Variants in RSRC1 observed in about 807,000 individuals in gnomAD.
The protein encoded by RSRC1 is arginine and serine rich coiled-coil 1.
In RSRC1, 39 loss-of-function variants were observed where a neutral mutation model predicts 49.1. That is an observed-to-expected ratio of 0.79 (90% CI 0.61 to 1.04). The LOEUF (loss-of-function observed/expected upper bound fraction) is 1.04, where lower values mean the gene tolerates loss of function less well. Among genes scored for constraint, RSRC1 ranks in the 50% least tolerant of loss-of-function variants. The probability of loss-of-function intolerance (pLI) is 0.00; values close to 1 mark genes in which losing one functional copy is unlikely to be tolerated. For missense variants in RSRC1, 388 were observed against 402.4 expected, an observed-to-expected ratio of 0.96 and a Z score of 0.31; for synonymous variants, 143 against 130.8, an observed-to-expected ratio of 1.09 and a Z score of -0.63.
chr3:158,488,481 AT>A (rs894765017), intron 7 of RSRC1, among the ~76,000 whole-genome samples: 2 of 152,116 alleles, frequency 1.3e-5, no homozygotes, highest in Non-Finnish European at 2.9e-5. Context: ...CAGACAAGAA[AT>A]TCTTTGTGAC....
At chr3:158,339,506 G>C (rs905306762) in intron 5 of RSRC1, among the ~76,000 whole-genome samples, 1 of 152,020 alleles carries the variant, frequency 6.6e-6, no homozygotes, top group African/African-American at 2.4e-5. Flanking sequence ...TGTAGATTAC[G>C]TGGTTTATTA....
In RSRC1 at chr3:158,463,008, T is replaced by C. The variant is rs982614853; in HGVS notation, c.652+2005T>C. ...ACAATGCCTAACACATAGTAGAAAC[T>C]CAGTTTCTTGAATTGTTGCATGATG... On this transcript the variant is annotated intron_variant, in intron 7 of 9. Transcript: ENST00000611884. 2.6e-5 allele frequency among the ~76,000 whole-genome samples: 4 copies of C among 152,084 alleles called. No homozygotes were observed. In the East Asian group the frequency reaches 5.8e-4, roughly 22 times the overall value.
chr3:158,513,608 T>A (rs1196096152), intron 7 of RSRC1, among the ~76,000 whole-genome samples: 2 of 152,188 alleles, frequency 1.3e-5, no homozygotes, highest in African/African-American at 4.8e-5. Context: ...CCAGCTTTGG[T>A]ATCAGGATGA....
intron 3 of RSRC1, among the ~76,000 whole-genome samples, chr3:158,163,786 G>A (rs905580168): frequency 1.3e-5 from 2 of 150,984 alleles, no homozygotes; most frequent in Non-Finnish European, 2.9e-5. Context: ...GTTAGCAAGA[G>A]TGTTGTACTT....
At chr3:158,314,328 G>A (rs1048561657) in intron 5 of RSRC1, among the ~76,000 whole-genome samples, 2 of 151,984 alleles carry the variant, frequency 1.3e-5, no homozygotes, top group Admixed American at 1.3e-4. Context: ...CCTGACCTCA[G>A]GTGATCCACC....
intron 5 of RSRC1, among the ~76,000 whole-genome samples, chr3:158,326,303 G>A (rs1042280047): frequency 6.6e-6 from 1 of 152,158 alleles, no homozygotes; most frequent in Non-Finnish European, 1.5e-5. Context: ...TCCATGTCTT[G>A]TGCCGGTTTT....
At chr3:158,293,237 A>C (rs554514203) in intron 4 of RSRC1, among the ~76,000 whole-genome samples, 1 of 152,212 alleles carries the variant, frequency 6.6e-6, no homozygotes, top group South Asian at 2.1e-4. Context: ...TGACTCTCAT[A>C]TATGTATATA....
At chr3:158,271,679 C>A (rs1286352161) in intron 4 of RSRC1, among the ~76,000 whole-genome samples, 3 of 151,984 alleles carry the variant, frequency 2.0e-5, no homozygotes, top group Non-Finnish European at 4.4e-5. Flanking sequence ...ATAGTAAAAA[C>A]TTTTATAATG....
chr3:158,277,075 A>T (rs1725859038), intron 4 of RSRC1, among the ~76,000 whole-genome samples: 1 of 152,198 alleles, frequency 6.6e-6, no homozygotes, highest in African/African-American at 2.4e-5. Flanking sequence ...CTGTAAACAT[A>T]AATCTATAAC....
chr3:158,118,757 A>C (rs768897955), intron 1 of RSRC1, among the ~76,000 whole-genome samples: 10 of 152,318 alleles, frequency 6.6e-5, no homozygotes, highest in Middle Eastern at 3.4e-3. Context: ...TTACAGAAAA[A>C]TGTTATAAAT....
chr3:158,280,049 G>C (rs554775967), intron 4 of RSRC1, among the ~76,000 whole-genome samples: 6 of 152,142 alleles, frequency 3.9e-5, no homozygotes, highest in Non-Finnish European at 5.9e-5. Flanking sequence ...CTTAAGCTCT[G>C]TTGCCACTAT....
intron 7 of RSRC1, among the ~76,000 whole-genome samples, chr3:158,517,006 T>A (rs1379915194): frequency 3.3e-5 from 5 of 152,142 alleles, no homozygotes; most frequent in Non-Finnish European, 5.9e-5. Flanking sequence ...TGGCACTCCC[T>A]AGTGAGATGA....
chr3:158,142,441 ATTC>A (rs1716805118), intron 3 of RSRC1, among the ~76,000 whole-genome samples: 1 of 152,186 alleles, frequency 6.6e-6, no homozygotes, highest in Non-Finnish European at 1.5e-5. Flanking sequence ...CGGTTAGTCC[ATTC>A]TTGCATCACT....
intron 5 of RSRC1, among the ~76,000 whole-genome samples, chr3:158,319,532 T>C (rs1432563298): frequency 6.6e-6 from 1 of 152,204 alleles, no homozygotes; most frequent in African/African-American, 2.4e-5. Flanking sequence ...AATATGTGAA[T>C]CTAACACAAT....
At chr3:158,306,185 C>G (rs1727828801) in intron 5 of RSRC1, among the ~76,000 whole-genome samples, 1 of 151,824 alleles carries the variant, frequency 6.6e-6, no homozygotes, top group Admixed American at 6.6e-5. Context: ...ATGATTATAT[C>G]TTTTCCTACC....
chr3:158,472,629 T>A (rs1578520827), intron 7 of RSRC1, among the ~76,000 whole-genome samples: 1 of 152,182 alleles, frequency 6.6e-6, no homozygotes, highest in South Asian at 2.1e-4. Flanking sequence ...GATGACTGCA[T>A]AAATGTCTTC....
At chr3:158,511,941 A>C (rs994856295) in intron 7 of RSRC1, among the ~76,000 whole-genome samples, 3 of 151,810 alleles carry the variant, frequency 2.0e-5, no homozygotes, top group Admixed American at 2.0e-4. Context: ...GTGTCTGTTC[A>C]TGTCCTTCGC....
At position 158,495,410 on chromosome 3, in the gene RSRC1, G is replaced by T. The variant is rs1436877609; in HGVS notation, c.652+34407G>T. ...AGCAATTCTCCCACCTCAGCCTCCT[G>T]AGTAGCTAGGACTACAGGCATGTGC... On this transcript the variant is annotated intron_variant, in intron 7 of 9. Transcript: ENST00000611884. Among the ~76,000 whole-genome samples, 6 of 151,930 alleles carry T rather than the reference G, an allele frequency of 3.9e-5. No individual in the cohort carries two copies. In the East Asian group the frequency reaches 1.2e-3, roughly 29 times the overall value.
intron 3 of RSRC1, among the ~76,000 whole-genome samples, chr3:158,159,683 GA>G (rs1718096877): frequency 6.6e-6 from 1 of 152,082 alleles, no homozygotes; most frequent in Non-Finnish European, 1.5e-5. Flanking sequence ...GTTTTGAATA[GA>G]AAAGCTTACA....
Sources: allele counts gnomAD v4.1 joint callset (sites outside exome capture counted in the v4.1 genomes callset), GRCh38; gene constraint gnomAD v4.1.1; transcripts MANE v1.5; gene names NCBI Gene and HGNC (gene_info 2026-07-23, HGNC 2026-07-21).